LONP2: variants seen among roughly 807,000 people sequenced by gnomAD.
LONP2 encodes lon peptidase 2, peroxisomal.
LONP2 carries 60 observed loss-of-function variants against 85.6 expected under a neutral mutation model. The observed-to-expected ratio is 0.70, with a 90% CI of 0.57 to 0.87. The LOEUF (loss-of-function observed/expected upper bound fraction) is 0.87, where lower values mean the gene tolerates loss of function less well. Ranked by LOEUF, LONP2 falls within the 40% of genes least tolerant of loss-of-function variation. The probability of loss-of-function intolerance (pLI) is 0.00; values close to 1 mark genes in which losing one functional copy is unlikely to be tolerated. For synonymous variants in LONP2, 395 were observed against 389.7 expected, an observed-to-expected ratio of 1.01 and a Z score of -0.16; for missense variants, 860 against 1,063.5, an observed-to-expected ratio of 0.81 and a Z score of 2.66.
intron 11 of LONP2, among the ~76,000 whole-genome samples, chr16:48,308,170 A>G (rs1972951888): frequency 6.6e-6 from 1 of 152,192 alleles, no homozygotes; most frequent in Admixed American, 6.5e-5. Context: ...GAATGCAGAA[A>G]CTAGAAATAA....
intron 9 of LONP2, among the ~76,000 whole-genome samples, chr16:48,298,465 A>G (rs1972721968): frequency 6.6e-6 from 1 of 151,892 alleles, no homozygotes; most frequent in Non-Finnish European, 1.5e-5. Flanking sequence ...ATACATACAC[A>G]CACACACACA....
rs747130223 is a variant in LONP2 at position 48,362,502 on chromosome 16, A to G, written c.*639A>G. 1 of 1,471,076 alleles carries G rather than the reference A, an allele frequency of 6.8e-7. No individual in the cohort carries two copies. The highest frequency in any genetic ancestry group is 1.4e-5 in the African/African-American group (1 of 71,450). 91.1% of individuals were successfully genotyped at this position (1,471,076 alleles called of 1,614,324 possible). ...GACTTACTTTATAAATAATGTTTAC[A>G]TGCCATAAGTCCTTTTAAAGTTTCA... On this transcript the variant is annotated 3_prime_UTR_variant, in exon 5 of 5. Coordinates refer to the LONP2 transcript ENST00000565867. The surrounding 1 kb of genome is among the most constrained non-coding windows in gnomAD (Gnocchi z 4.2).
downstream of LONP2, chr16:48,361,317 T>C: frequency 2.7e-6 from 1 of 371,782 alleles, no homozygotes; most frequent in South Asian, 3.5e-5. Context: ...TATTTTACAA[T>C]GCTTCCTTTC....
intron 12 of LONP2, among the ~76,000 whole-genome samples, chr16:48,342,743 G>C (rs1465692956): frequency 6.6e-6 from 1 of 152,154 alleles, no homozygotes; most frequent in Non-Finnish European, 1.5e-5. Context: ...TTCAAGACTT[G>C]GGATCTCAGT....
chr16:48,247,790 G>A (rs1200833295), intron 1 of LONP2, among the ~76,000 whole-genome samples: 1 of 152,014 alleles, frequency 6.6e-6, no homozygotes, highest in Non-Finnish European at 1.5e-5. Context: ...CACTTTTCAG[G>A]GTACATGGCT....
chr16:48,334,442 G>GCCTCCTGCCCA, intron 12 of LONP2, 84 bp downstream of exon 12: 1 of 1,530,812 alleles, frequency 6.5e-7, no homozygotes. Context: ...GGCCTGGGCA[G>GCCTCCTGCCCA]GAGGCTGCCC....
At chr16:48,306,179 G>T (rs1220989237) in intron 11 of LONP2, among the ~76,000 whole-genome samples, 1 of 152,186 alleles carries the variant, frequency 6.6e-6, no homozygotes, top group East Asian at 1.9e-4. Context: ...TGAAATAAAT[G>T]AGTTTATTAG....
At chr16:48,246,732 A>C (rs1971410444) in intron 1 of LONP2, among the ~76,000 whole-genome samples, 1 of 151,970 alleles carries the variant, frequency 6.6e-6, no homozygotes, top group Non-Finnish European at 1.5e-5. Flanking sequence ...GCACCACTAC[A>C]CCCAGCTAAT....
chr16:48,333,667 G>A (rs1374055388), intron 11 of LONP2, among the ~76,000 whole-genome samples: 1 of 150,910 alleles, frequency 6.6e-6, no homozygotes, highest in Non-Finnish European at 1.5e-5. Context: ...AAAAAGTGTT[G>A]GGGGGAGAGA....
intron 6 of LONP2, among the ~76,000 whole-genome samples, chr16:48,264,920 T>TCCATA (rs1201581374): frequency 1.9e-4 from 29 of 150,702 alleles, no homozygotes; most frequent in Admixed American, 1.5e-3. Flanking sequence ...TGCCCTTTTC[T>TCCATA]CCATATCCTC....
At chr16:48,322,376 G>C (rs1010473521) in intron 11 of LONP2, among the ~76,000 whole-genome samples, 5 of 152,080 alleles carry the variant, frequency 3.3e-5, no homozygotes, top group Admixed American at 3.3e-4. Context: ...CAAAGACACA[G>C]ACACACATTA....
At chr16:48,293,759 C>T (rs1431262197) in intron 8 of LONP2, among the ~76,000 whole-genome samples, 1 of 152,132 alleles carries the variant, frequency 6.6e-6, no homozygotes, top group East Asian at 1.9e-4. Context: ...TAGCAGGATT[C>T]TTGCTCAAAT....
downstream of LONP2, among the ~76,000 whole-genome samples, chr16:48,357,521 T>C (rs1171182120): frequency 6.6e-6 from 1 of 152,218 alleles, no homozygotes. Context: ...TCCTGCGTGG[T>C]AGTTCACACA....
At chr16:48,325,659 C>A (rs1008456637) in intron 11 of LONP2, among the ~76,000 whole-genome samples, 1 of 152,102 alleles carries the variant, frequency 6.6e-6, no homozygotes, top group Admixed American at 6.5e-5. Context: ...TCCATTCATC[C>A]GTTGATGGAT....
intron 8 of LONP2, among the ~76,000 whole-genome samples, chr16:48,282,320 A>G (rs772505085): frequency 1.3e-5 from 2 of 150,938 alleles, no homozygotes; most frequent in Non-Finnish European, 2.9e-5. Context: ...CTGAGGCATG[A>G]GAATAGCTTG....
rs1971238192 is a variant in LONP2, at chr16:48,244,605, C to G, written c.217C>G (p.Leu73Val). The G allele has an allele frequency of 1.4e-5, 21 of 1,478,302 alleles. No homozygotes were observed. Among genetic ancestry groups the G allele is most frequent in the Non-Finnish European group, 1.8e-5 (20 of 1,117,688 alleles). 91.6% of individuals were successfully genotyped at this position (1,478,302 alleles called of 1,614,324 possible). The change falls in exon 1 of 15, where the codon CTG (leucine) becomes GTG (valine). Residue 73 changes from leucine (L) to valine (V), a missense_variant. This residue lies in a region of LONP2 where 743 missense variants were observed against 917.3 expected (regional missense o/e 0.81). Transcript: ENST00000285737. ...TGACCCCGCCAGCGACGCGCAGGACCTGCCGCCGCTGCACAGGTAGGCCTG... is the reference window on the plus strand; with the variant it reads ...TGACCCCGCCAGCGACGCGCAGGACGTGCCGCCGCTGCACAGGTAGGCCTG... ...TPDPASDAQDLPPLHRIGTAA... is the reference protein window; with the variant it reads ...TPDPASDAQDVPPLHRIGTAA...
chr16:48,338,889 C>T (rs1200543744), intron 12 of LONP2, among the ~76,000 whole-genome samples: 2 of 151,974 alleles, frequency 1.3e-5, no homozygotes, highest in African/African-American at 4.8e-5. Context: ...GCCTGGGTGA[C>T]AGAACAAGAC....
rs1960014793 is a variant in LONP2, at chr16:48,347,734, C to CA, written c.2146+21dup. On this transcript the variant is annotated intron_variant, in intron 13 of 14. Coordinates refer to ENST00000285737, the MANE Select transcript of LONP2 (RefSeq NM_031490.5). ...CCAATGGTAGGAGCCTGCACCCGGC[C>CA]AGGCAGGCGTGACCCAGGAGGCGGT... is the stretch of plus-strand genomic sequence containing the variant. 1.9e-6 allele frequency: 3 copies of CA among 1,603,432 alleles called. No individual in the cohort carries two copies. Among genetic ancestry groups the CA allele is most frequent in the Non-Finnish European group, 2.6e-6 (3 of 1,175,614 alleles).
chr16:48,329,448 G>A (rs1959366750), intron 11 of LONP2, among the ~76,000 whole-genome samples: 1 of 152,182 alleles, frequency 6.6e-6, no homozygotes, highest in African/African-American at 2.4e-5. Flanking sequence ...TTGTGTTCAA[G>A]TAACCCTTCC....
Sources: gnomAD v4.1 joint callset for allele counts (sites outside exome capture counted in the v4.1 genomes callset) on GRCh38, gnomAD v4.1.1 for gene constraint, gnomAD v4.1.1 regional missense constraint, Gnocchi (gnomAD v3.1) non-coding constraint, MANE v1.5 for transcripts, NCBI Gene and HGNC (gene_info 2026-07-23, HGNC 2026-07-21) for gene names.